The following SH3GL3 variants were observed in gnomAD, a reference collection of about 807,000 sequenced individuals.
SH3GL3 encodes SH3 domain containing GRB2 like 3, endophilin A3, also known as endophilin-A3.
In SH3GL3, 33 loss-of-function variants were observed where a neutral mutation model predicts 47.7. The ratio of observed to expected loss-of-function variants is 0.69; its 90% CI spans 0.52 to 0.92. The LOEUF (loss-of-function observed/expected upper bound fraction) is 0.92, where lower values mean the gene tolerates loss of function less well. Among genes scored for constraint, SH3GL3 ranks in the 40% least tolerant of loss-of-function variants. The pLI, the probability that SH3GL3 is intolerant of heterozygous loss-of-function variation, is 0.00. For missense variants in SH3GL3, 363 were observed against 417.8 expected, an observed-to-expected ratio of 0.87 and a Z score of 1.14; for synonymous variants, 155 against 148.8, an observed-to-expected ratio of 1.04 and a Z score of -0.30.
intron 1 of SH3GL3, among the ~76,000 whole-genome samples, chr15:83,515,692 A>G (rs942882765): frequency 3.3e-5 from 5 of 152,358 alleles, no homozygotes; most frequent in African/African-American, 1.2e-4. Context: ...GTGTTAATTT[A>G]TGCTTATAGC....
intron 1 of SH3GL3, among the ~76,000 whole-genome samples, chr15:83,492,279 C>CAAAAAAAAAAAAAAAAAAAAAAAAA (rs11300008): frequency 1.9e-5 from 1 of 51,488 alleles, no homozygotes; most frequent in Non-Finnish European, 3.3e-5. Context: ...GACTCCCTCT[C>CAAAAAAAAAAAAAAAAAAAAAAAAA]AAAAAAAAAA....
chr15:83,473,551 C>CTTT (rs777552855), intron 1 of SH3GL3, among the ~76,000 whole-genome samples: 23 of 141,832 alleles, frequency 1.6e-4, no homozygotes, highest in Non-Finnish European at 3.1e-4. Flanking sequence ...TTTGTTGGGG[C>CTTT]TTTTTTTTTT....
At chr15:83,544,428 G>A (rs1317286885) in intron 1 of SH3GL3, among the ~76,000 whole-genome samples, 2 of 152,100 alleles carry the variant, frequency 1.3e-5, no homozygotes, top group Non-Finnish European at 2.9e-5. Context: ...GTATTCTGCA[G>A]CTGTTGGATG....
chr15:83,557,253 A>G (rs1164702621), intron 1 of SH3GL3, among the ~76,000 whole-genome samples: 1 of 152,204 alleles, frequency 6.6e-6, no homozygotes, highest in African/African-American at 2.4e-5. Context: ...TTGAGAACCA[A>G]TATGTTGGAT....
chr15:83,612,323 G>A (rs1183455259), intron 8 of SH3GL3, among the ~76,000 whole-genome samples: 3 of 152,222 alleles, frequency 2.0e-5, no homozygotes, highest in East Asian at 1.9e-4. Context: ...GAGGTGACTC[G>A]TCACAGGAGG....
the SH3GL3 span, among the ~76,000 whole-genome samples, chr15:83,627,972 C>G: frequency 6.6e-6 from 1 of 152,028 alleles, no homozygotes; most frequent in African/African-American, 2.4e-5. Flanking sequence ...TAAATGAACC[C>G]CAAAGTAATC....
chr15:83,568,720 T>C (rs748643252), intron 4 of SH3GL3, 48 bp downstream of exon 4: 2 of 1,463,436 alleles, frequency 1.4e-6, no homozygotes, highest in East Asian at 2.3e-5. Flanking sequence ...TCCTCCAGTA[T>C]GGTTTTAGGT....
intron 1 of SH3GL3, among the ~76,000 whole-genome samples, chr15:83,545,191 T>A (rs1336795617): frequency 6.6e-6 from 1 of 152,184 alleles, no homozygotes; most frequent in Admixed American, 6.5e-5. Context: ...TTCTAGATCT[T>A]GTTAGGTTTG....
intron 1 of SH3GL3, among the ~76,000 whole-genome samples, chr15:83,544,166 G>C (rs2044296215): frequency 6.6e-6 from 1 of 151,746 alleles, no homozygotes; most frequent in Non-Finnish European, 1.5e-5. Context: ...TTTCCTGTTA[G>C]TACTGCTTTT....
rs2039488197 is a variant in SH3GL3 at position 83,447,417 on chromosome 15, G to C, written c.-117G>C. The C allele has an allele frequency of 3.9e-6, 3 of 771,628 alleles. No homozygotes were observed. The highest frequency in any genetic ancestry group is 5.4e-6 in the Non-Finnish European group (3 of 558,470). The allele number at this position is 771,628 out of a possible 1,614,324, so 47.8% of individuals were successfully genotyped here. On this transcript the variant is annotated 5_prime_UTR_variant, in exon 1 of 9. Coordinates refer to ENST00000427482, the MANE Select transcript of SH3GL3 (RefSeq NM_003027.5). The surrounding 1 kb of genome is among the most constrained non-coding windows in gnomAD (Gnocchi z 5.1). ...CTGTGGCCGTGGCCGTGGGAGGCGGGCCCGGCGGAGCCCAGCCGCGGGGGG... is the reference window on the plus strand; with the variant it reads ...CTGTGGCCGTGGCCGTGGGAGGCGGCCCCGGCGGAGCCCAGCCGCGGGGGG...
At chr15:83,562,127 C>T (rs1339901191) in intron 2 of SH3GL3, among the ~76,000 whole-genome samples, 1 of 149,718 alleles carries the variant, frequency 6.7e-6, no homozygotes, top group Non-Finnish European at 1.5e-5. Context: ...TGTTTTTAAG[C>T]TACATGAGTT....
At chr15:83,591,315 A>G (rs900386517) in intron 8 of SH3GL3, among the ~76,000 whole-genome samples, 4 of 151,928 alleles carry the variant, frequency 2.6e-5, no homozygotes, top group East Asian at 1.9e-4. Flanking sequence ...GGCCTCTCCT[A>G]TGTTTTTTCT....
intron 1 of SH3GL3, among the ~76,000 whole-genome samples, chr15:83,530,628 A>T (rs1484018102): frequency 2.7e-5 from 4 of 149,954 alleles, no homozygotes; most frequent in Admixed American, 6.6e-5. Flanking sequence ...TTTTTTTTTT[A>T]ATAAGAGGAT....
At chr15:83,468,227 A>G (rs1188205873) in intron 1 of SH3GL3, among the ~76,000 whole-genome samples, 1 of 152,226 alleles carries the variant, frequency 6.6e-6, no homozygotes, top group Admixed American at 6.5e-5. Flanking sequence ...GTGACCTTGC[A>G]GAACTTATTT....
chr15:83,526,745 C>T (rs1410776582), intron 1 of SH3GL3, among the ~76,000 whole-genome samples: 2 of 152,144 alleles, frequency 1.3e-5, no homozygotes, highest in South Asian at 2.1e-4. Context: ...ATGAAATAAT[C>T]TGTACAAAAA....
At chr15:83,554,291 G>A (rs143616687) in intron 1 of SH3GL3, among the ~76,000 whole-genome samples, 3,356 of 152,146 alleles carry the variant, frequency 0.022, 45 homozygotes, top group Non-Finnish European at 0.031. Flanking sequence ...GGGTTCAAGC[G>A]ATTCTCCTGC....
At chr15:83,530,143 T>C (rs2043602491) in intron 1 of SH3GL3, among the ~76,000 whole-genome samples, 1 of 152,192 alleles carries the variant, frequency 6.6e-6, no homozygotes, top group Non-Finnish European at 1.5e-5. Context: ...CAGGATGCCC[T>C]GGTTGAGGTT....
chr15:83,450,324 A>T (rs1156770631), intron 1 of SH3GL3, among the ~76,000 whole-genome samples: 2 of 152,200 alleles, frequency 1.3e-5, no homozygotes, highest in African/African-American at 4.8e-5. Context: ...GTGTGTGTGT[A>T]TGTATACATC....
intron 8 of SH3GL3, among the ~76,000 whole-genome samples, chr15:83,591,757 C>T (rs1159708018): frequency 6.6e-6 from 1 of 152,198 alleles, no homozygotes; most frequent in African/African-American, 2.4e-5. Flanking sequence ...GCCATCTCGG[C>T]TCACTGCAAG....
Sources: allele counts gnomAD v4.1 joint callset (sites outside exome capture counted in the v4.1 genomes callset), GRCh38; gene constraint gnomAD v4.1.1; non-coding constraint Gnocchi (gnomAD v3.1); transcripts MANE v1.5; gene names NCBI Gene and HGNC (gene_info 2026-07-23, HGNC 2026-07-21).